The following CERS4 variants were observed in gnomAD, a reference collection of about 807,000 sequenced individuals.
The protein encoded by CERS4 is LAG1 homolog, ceramide synthase 4.
In CERS4, 65 loss-of-function variants were observed where a neutral mutation model predicts 51.8. The observed-to-expected ratio is 1.26, with a 90% CI of 1.03 to 1.54. CERS4 has a LOEUF of 1.54. Among genes scored for constraint, CERS4 ranks in the 40% most tolerant of loss-of-function variants. The pLI, the probability that CERS4 is intolerant of heterozygous loss-of-function variation, is 0.00. For synonymous variants in CERS4, 228 were observed against 208.4 expected, an observed-to-expected ratio of 1.09 and a Z score of -0.81; for missense variants, 563 against 500.4, an observed-to-expected ratio of 1.13 and a Z score of -1.19.
At position 8,210,393 on chromosome 19, in the gene CERS4, T is replaced by C. The variant is rs189972466; in HGVS notation, c.-158-313T>C. Among the ~76,000 whole-genome samples the C allele has an allele frequency of 6.6e-6, 1 of 152,148 alleles. No individual in the cohort carries two copies. The highest frequency in any genetic ancestry group is 1.9e-4 in the East Asian group (1 of 5,180). The stretch of plus-strand genomic sequence containing the variant: ...GTGGAGCGTGGGGGACCGATGTTTC[T>C]CCTGGGTAGTTAGGAGTATATAGAA... On this transcript the variant is annotated intron_variant, in intron 1 of 11. Transcript: ENST00000251363. The surrounding 1 kb of genome is among the most constrained non-coding windows in gnomAD (Gnocchi z 4.2).
chr19:8,225,844 A>T (rs559262303), intron 2 of CERS4, among the ~76,000 whole-genome samples: 1 of 127,320 alleles, frequency 7.9e-6, no homozygotes, highest in Non-Finnish European at 1.8e-5. Context: ...TTTGTCAGCT[A>T]TGTGACCCTG....
intron 10 of CERS4, among the ~76,000 whole-genome samples, chr19:8,259,038 G>A (rs1214849871): frequency 6.6e-6 from 1 of 152,020 alleles, no homozygotes; most frequent in Non-Finnish European, 1.5e-5. Flanking sequence ...GGAGGCTAAG[G>A]CAGGAGAATC....
At chr19:8,261,046 ACAAG>A (rs1419351850) in intron 10 of CERS4, 3 of 152,164 alleles carry the variant, frequency 2.0e-5, no homozygotes, top group Non-Finnish European at 2.9e-5. Flanking sequence ...GTCCCAGGCA[ACAAG>A]CAAGGAGGAG....
intron 10 of CERS4, among the ~76,000 whole-genome samples, chr19:8,259,524 G>A (rs1360289715): frequency 1.3e-5 from 2 of 152,102 alleles, no homozygotes; most frequent in African/African-American, 2.4e-5. Flanking sequence ...TAGGTGTTCT[G>A]GGTGCCCTTT....
At chr19:8,216,642 C>T (rs1321896691) in intron 2 of CERS4, among the ~76,000 whole-genome samples, 1 of 152,006 alleles carries the variant, frequency 6.6e-6, no homozygotes, top group Non-Finnish European at 1.5e-5. Flanking sequence ...GTCTTTGCCA[C>T]TCCCTCATCT....
At chr19:8,235,025 T>TTTTC (rs71165299) in intron 2 of CERS4, among the ~76,000 whole-genome samples, 1 of 147,310 alleles carries the variant, frequency 6.8e-6, no homozygotes, top group Non-Finnish European at 1.5e-5. Flanking sequence ...TTTTTTTTTT[T>TTTTC]CAGACAGAGT....
At chr19:8,248,083 C>T (rs2145277002) in intron 2 of CERS4, among the ~76,000 whole-genome samples, 1 of 152,254 alleles carries the variant, frequency 6.6e-6, no homozygotes, top group African/African-American at 2.4e-5. Context: ...CCTTAGAGAG[C>T]CTCTCCTTGA....
At chr19:8,259,409 G>A (rs1969561757) in intron 10 of CERS4, among the ~76,000 whole-genome samples, 1 of 152,166 alleles carries the variant, frequency 6.6e-6, no homozygotes, top group Non-Finnish European at 1.5e-5. Flanking sequence ...GGCAGGAGAT[G>A]GAGTAGGCCG....
intron 2 of CERS4, among the ~76,000 whole-genome samples, chr19:8,227,280 T>G (rs1300360559): frequency 2.0e-5 from 3 of 152,128 alleles, no homozygotes; most frequent in Non-Finnish European, 2.9e-5. Flanking sequence ...AATTTTCTAT[T>G]TAAAAAGTCA....
At chr19:8,254,201 C>T (rs945452306) in intron 3 of CERS4, among the ~76,000 whole-genome samples, 20 of 150,772 alleles carry the variant, frequency 1.3e-4, no homozygotes, top group African/African-American at 4.4e-4. Context: ...CGGGCGCCTG[C>T]AGTCCCAGCT....
intron 6 of CERS4, 56 bp from the exon 7 acceptor site, chr19:8,256,180 C>T (rs1969370137): frequency 1.3e-6 from 2 of 1,557,394 alleles, no homozygotes; most frequent in African/African-American, 2.7e-5. Flanking sequence ...ACCGCAGACC[C>T]AGGGTGGGAG....
At position 8,251,264 on chromosome 19, in the gene CERS4, TGCCGCAATCCATTGCC is replaced by T; in HGVS notation, c.173+16_173+31del. On this transcript the variant is annotated intron_variant, in intron 3 of 11. Coordinates refer to ENST00000251363, the MANE Select transcript of CERS4 (RefSeq NM_024552.3). ...GCCTTTGAGAGGTGAGTGTCTGCCC[TGCCGCAATCCATTGCC>T]CCCGCAGTCGCTCCAGTATGTGCTC... The T allele has an allele frequency of 1.9e-6, 3 of 1,571,640 alleles. No individual in the cohort carries two copies. The highest frequency in any genetic ancestry group is 2.6e-6 in the Non-Finnish European group (3 of 1,159,854).
chr19:8,248,895 G>A (rs1351520381), intron 2 of CERS4, among the ~76,000 whole-genome samples: 2 of 151,550 alleles, frequency 1.3e-5, no homozygotes, highest in Non-Finnish European at 2.9e-5. Context: ...ATGTTTGGAT[G>A]GGTGGACATA....
rs1968899010 is a variant in CERS4 at position 8,248,649 on chromosome 19, T to TGATGGGTGGGTGGAG, written c.-1-2426_-1-2425insATGGGTGGGTGGAGG. Among the ~76,000 whole-genome samples the TGATGGGTGGGTGGAG allele has an allele frequency of 2.0e-5, 3 of 150,036 alleles. No homozygotes were observed. The South Asian group carries it at 6.3e-4, about 32-fold the overall frequency. On this transcript the variant is annotated intron_variant, in intron 2 of 11. Coordinates refer to ENST00000251363, the MANE Select transcript of CERS4 (RefSeq NM_024552.3). ...GTGGACAGATGTTTGGATGAGTGGA[T>TGATGGGTGGGTGGAG]GGATGATGGGTGGGTGGACAGATGG...
rs181347517 is a variant in CERS4, at chr19:8,243,729, C to T, written c.-1-7347C>T. On this transcript the variant is annotated intron_variant, in intron 2 of 11. Coordinates refer to ENST00000251363, the MANE Select transcript of CERS4 (RefSeq NM_024552.3). ...GGATTCCATCCATCTTCATGGATTT[C>T]AACAGCAGCCACTCACTGACAAGTC... is the stretch of plus-strand genomic sequence containing the variant. Among the ~76,000 whole-genome samples the T allele has an allele frequency of 8.3e-4, 126 of 151,588 alleles. 4 individuals carry two copies. In the East Asian group the frequency reaches 0.023, roughly 27 times the overall value.
chr19:8,218,415 G>C (rs1281703811), intron 2 of CERS4, among the ~76,000 whole-genome samples: 1 of 152,228 alleles, frequency 6.6e-6, no homozygotes, highest in African/African-American at 2.4e-5. Context: ...GCAAAGGCCT[G>C]GCATCCGGGA....
At chr19:8,255,004 G>T (rs1299112528) in intron 4 of CERS4, among the ~76,000 whole-genome samples, 1 of 152,116 alleles carries the variant, frequency 6.6e-6, no homozygotes, top group Admixed American at 6.6e-5. Flanking sequence ...CTCCTATCCT[G>T]GGGAGGAATG....
intron 2 of CERS4, among the ~76,000 whole-genome samples, chr19:8,233,651 C>T (rs1358494626): frequency 6.6e-6 from 1 of 151,996 alleles, no homozygotes; most frequent in East Asian, 1.9e-4. Context: ...CATAATCCTC[C>T]CAAGCCATTG....
At chr19:8,259,733 G>A (rs1475134438) in intron 10 of CERS4, among the ~76,000 whole-genome samples, 1 of 152,104 alleles carries the variant, frequency 6.6e-6, no homozygotes, top group Non-Finnish European at 1.5e-5. Context: ...ACATGGAGAA[G>A]GCAGTGGGCA....
Sources: gnomAD v4.1 joint callset for allele counts (sites outside exome capture counted in the v4.1 genomes callset) on GRCh38, gnomAD v4.1.1 for gene constraint, Gnocchi (gnomAD v3.1) non-coding constraint, MANE v1.5 for transcripts, NCBI Gene and HGNC (gene_info 2026-07-23, HGNC 2026-07-21) for gene names.